TPTE2: variants seen among roughly 807,000 people sequenced by gnomAD.
TPTE2 encodes the protein phosphatidylinositol 3,4,5-trisphosphate 3-phosphatase TPTE2.
In TPTE2, 53 loss-of-function variants were observed where a neutral mutation model predicts 78.6. That is an observed-to-expected ratio of 0.67 (90% CI 0.54 to 0.85). TPTE2 has a LOEUF of 0.85. TPTE2 is among the 40% of genes least tolerant of loss of function. The pLI, the probability that TPTE2 is intolerant of heterozygous loss-of-function variation, is 0.00. For synonymous variants in TPTE2, 175 were observed against 206.2 expected (o/e 0.85, Z 1.30); for missense variants, 461 against 623.0 (o/e 0.74, Z 2.77).
chr13:19,536,778 C>G (rs1871234992), upstream of TPTE2: 1 of 151,928 alleles, frequency 6.6e-6, no homozygotes, highest in East Asian at 1.9e-4. Context: ...TACTTGCTTC[C>G]CAGTCCTTAT....
At chr13:19,528,674 A>T (rs534130280) in intron 1 of TPTE2, among the ~76,000 whole-genome samples, 11 of 152,114 alleles carry the variant, frequency 7.2e-5, no homozygotes, top group Non-Finnish European at 1.2e-4. Flanking sequence ...GCTAGCTCAG[A>T]CTTCCTTCGA....
At chr13:19,503,114 T>C in intron 1 of TPTE2, 110 bp downstream of exon 4, 2 of 1,470,158 alleles carry the variant, frequency 1.4e-6, no homozygotes, top group South Asian at 2.4e-5. Context: ...TGTGTATGGA[T>C]GGATGCATGG....
upstream of TPTE2, among the ~76,000 whole-genome samples, chr13:19,507,395 C>T (rs1869145022): frequency 6.7e-6 from 1 of 149,252 alleles, no homozygotes; most frequent in Admixed American, 6.7e-5. Flanking sequence ...ACAACAGCAA[C>T]TACCCAGGAG....
At position 19,530,788 on chromosome 13, in the gene TPTE2, G is replaced by A. The variant is rs570168376; in HGVS notation, c.-44+5808C>T. ...GATCCTCCCACCTCGGCATCCCAAT[G>A]TGTTGGGATTACAGATGTAGGCCAC... is the stretch of plus-strand genomic sequence containing the variant. On this transcript the variant is annotated intron_variant, in intron 1 of 17. Transcript: ENST00000390680. 3.2e-4 allele frequency among the ~76,000 whole-genome samples: 49 copies of A among 152,186 alleles called. 1 individual carries two copies. The highest frequency in any genetic ancestry group is 9.2e-4 in the Admixed American group (14 of 15,290).
chr13:19,514,878 A>G (rs915470967), intron 1 of TPTE2, among the ~76,000 whole-genome samples: 4 of 152,044 alleles, frequency 2.6e-5, no homozygotes, highest in African/African-American at 9.7e-5. Context: ...ATATTTTACA[A>G]TATCAAGACT....
intron 1 of TPTE2, among the ~76,000 whole-genome samples, chr13:19,519,344 A>G (rs1427161026): frequency 2.6e-5 from 4 of 152,208 alleles, no homozygotes; most frequent in Non-Finnish European, 5.9e-5. Context: ...GGAAAAAAAA[A>G]GAAATCATTA....
chr13:19,490,851 C>G (rs531498389), intron 3 of TPTE2, among the ~76,000 whole-genome samples: 1 of 152,274 alleles, frequency 6.6e-6, no homozygotes, highest in Non-Finnish European at 1.5e-5. Context: ...CCTCCTTGCA[C>G]CAAATAGGAC....
At chr13:19,438,533 T>C in intron 13 of TPTE2, 2 of 649,582 alleles carry the variant, frequency 3.1e-6, no homozygotes, top group Non-Finnish European at 3.8e-6. Context: ...ACAAATACAG[T>C]AGAAGAAAAG....
intron 19 of TPTE2, 21 bp from the exon 23 acceptor site, chr13:19,423,185 T>A (rs765334033): frequency 9.0e-6 from 14 of 1,557,976 alleles, no homozygotes; most frequent in African/African-American, 1.4e-5. Flanking sequence ...AAAAAAAAAA[T>A]TACATTTTAT....
At chr13:19,504,451 A>G (rs1453024722), upstream of TPTE2, among the ~76,000 whole-genome samples, 1 of 152,028 alleles carries the variant, frequency 6.6e-6, no homozygotes, top group African/African-American at 2.4e-5. Context: ...ACATGGTGGT[A>G]GAGCTCTGGG....
intron 1 of TPTE2, among the ~76,000 whole-genome samples, chr13:19,521,428 T>C (rs1358264805): frequency 1.3e-5 from 2 of 152,024 alleles, no homozygotes; most frequent in Non-Finnish European, 2.9e-5. Context: ...GTTTGCTTGT[T>C]ATATCTTTTT....
intron 1 of TPTE2, among the ~76,000 whole-genome samples, chr13:19,531,630 T>TAAAAAA (rs35886221): frequency 6.8e-6 from 1 of 147,840 alleles, no homozygotes; most frequent in Non-Finnish European, 1.5e-5. Context: ...GGTATTTAGT[T>TAAAAAA]AAAAAAAAAA....
chr13:19,448,450 A>T (rs1238497242), intron 13 of TPTE2, among the ~76,000 whole-genome samples: 2 of 152,190 alleles, frequency 1.3e-5, no homozygotes, highest in African/African-American at 4.8e-5. Flanking sequence ...CAGATTTTTT[A>T]AAAAAAGAAC....
chr13:19,522,619 C>CTTTTTTTTTTTTTTTT (rs57248346), intron 1 of TPTE2, among the ~76,000 whole-genome samples: 7 of 121,650 alleles, frequency 5.8e-5, no homozygotes, highest in Non-Finnish European at 9.8e-5. Context: ...CTTTTTTTTT[C>CTTTTTTTTTTTTTTTT]TTTTTTTTTT....
the TPTE2 span, among the ~76,000 whole-genome samples, chr13:19,543,822 G>A: frequency 6.6e-6 from 1 of 151,952 alleles, no homozygotes; most frequent in African/African-American, 2.4e-5. Context: ...CAGCACTTTG[G>A]GAGGCTGAGA....
the TPTE2 span, among the ~76,000 whole-genome samples, chr13:19,543,633 G>A: frequency 6.6e-6 from 1 of 152,116 alleles, no homozygotes; most frequent in Non-Finnish European, 1.5e-5. Flanking sequence ...TGGGATTACA[G>A]GCATAAGCCA....
At chr13:19,515,973 A>C (rs545190871) in intron 1 of TPTE2, among the ~76,000 whole-genome samples, 1 of 152,244 alleles carries the variant, frequency 6.6e-6, no homozygotes, top group Non-Finnish European at 1.5e-5. Context: ...TATTGCATGA[A>C]GTCTGAAATA....
chr13:19,469,073 G>A (rs1310683780), intron 6 of TPTE2, among the ~76,000 whole-genome samples: 3 of 152,136 alleles, frequency 2.0e-5, no homozygotes, highest in South Asian at 4.1e-4. Context: ...TGCTTGTCAG[G>A]TATAGCCCAA....
At chr13:19,472,005 C>A (rs1274163906) in intron 6 of TPTE2, among the ~76,000 whole-genome samples, 9 of 152,124 alleles carry the variant, frequency 5.9e-5, no homozygotes, top group Admixed American at 5.9e-4. Context: ...TCTCTCCTGG[C>A]CTGAAACGTT....
Sources: gnomAD v4.1 joint callset for allele counts (sites outside exome capture counted in the v4.1 genomes callset) on GRCh38, gnomAD v4.1.1 for gene constraint, MANE v1.5 for transcripts, NCBI Gene and HGNC (gene_info 2026-07-23, HGNC 2026-07-21) for gene names.